The following MTCL1 variants were observed in gnomAD, a reference collection of about 807,000 sequenced individuals.
MTCL1 encodes the protein microtubule cross-linking factor 1.
In MTCL1, 79 loss-of-function variants were observed where a neutral mutation model predicts 141.4. The ratio of observed to expected loss-of-function variants is 0.56; its 90% CI spans 0.47 to 0.67. The LOEUF is 0.67. Ranked by LOEUF, MTCL1 falls within the 30% of genes least tolerant of loss-of-function variation. MTCL1 has a pLI of 0.00. For missense variants in MTCL1, 2,177 were observed against 2,113.9 expected, an observed-to-expected ratio of 1.03 and a Z score of -0.59; for synonymous variants, 914 against 875.8, an observed-to-expected ratio of 1.04 and a Z score of -0.77.
chr18:8,736,564 G>A (rs530847936), intron 4 of MTCL1, among the ~76,000 whole-genome samples: 71 of 152,056 alleles, frequency 4.7e-4, no homozygotes, highest in African/African-American at 1.5e-3. Context: ...ATTTGAAGTC[G>A]GGTTTCTACC....
intron 3 of MTCL1, among the ~76,000 whole-genome samples, chr18:8,718,971 A>G (rs1016273228): frequency 2.7e-5 from 4 of 149,462 alleles, no homozygotes; most frequent in Admixed American, 6.6e-5. Flanking sequence ...TTAAAAATCT[A>G]TTGATTATCA....
chr18:8,744,542 T>C (rs1247465895), intron 4 of MTCL1, among the ~76,000 whole-genome samples: 1 of 152,216 alleles, frequency 6.6e-6, no homozygotes, highest in African/African-American at 2.4e-5. Context: ...TCACCCTGCT[T>C]CCTGCTGCTT....
chr18:8,818,626 A>G (rs1470660626), intron 12 of MTCL1, among the ~76,000 whole-genome samples: 1 of 152,230 alleles, frequency 6.6e-6, no homozygotes, highest in Non-Finnish European at 1.5e-5. Context: ...CTTTAACAGT[A>G]TTAGATTAAA....
At position 8,789,732 on chromosome 18, in the gene MTCL1, CA is replaced by C. The variant is rs527856334; in HGVS notation, c.1888-3259del. The C allele has an allele frequency of 4.6e-4, 448 of 983,548 alleles. 1 individual carries two copies. In the African/African-American group the frequency reaches 5.6e-3, roughly 12 times the overall value. 60.9% of individuals were successfully genotyped at this position (983,548 alleles called of 1,614,324 possible). ...ATAATCAGAATCCTAGGTAAGTGAA[CA>C]AAAAAAGGGTTTTTTTTAGAATCAA... On this transcript the variant is annotated intron_variant, in intron 7 of 16. Transcript: ENST00000359865.
rs147022406 is a variant in MTCL1 at position 8,813,657 on chromosome 18, G to T, written c.2859+424G>T. 2.8e-3 allele frequency among the ~76,000 whole-genome samples: 424 copies of T among 152,328 alleles called. 5 individuals carry two copies. The highest frequency in any genetic ancestry group is 9.8e-3 in the African/African-American group (406 of 41,588). ...CTGCTCCAACTTGAATGGAATTGTT[G>T]TCATTAGAAAAGAAATTGCTGAATT... On this transcript the variant is annotated intron_variant, in intron 12 of 16. Transcript: ENST00000359865.
chr18:8,819,818 C>T (rs1403595252), intron 13 of MTCL1, among the ~76,000 whole-genome samples: 1 of 152,004 alleles, frequency 6.6e-6, no homozygotes, highest in Non-Finnish European at 1.5e-5. Flanking sequence ...CCTATGTTGC[C>T]CAAGCTGGTC....
intron 1 of MTCL1, 149 bp downstream of exon 1, chr18:8,706,862 C>A: frequency 7.4e-7 from 1 of 1,352,360 alleles, no homozygotes. Context: ...CAGGCATTGG[C>A]AACTTAAGCC....
At chr18:8,760,410 G>A (rs574883689) in intron 4 of MTCL1, among the ~76,000 whole-genome samples, 3 of 152,318 alleles carry the variant, frequency 2.0e-5, no homozygotes, top group East Asian at 1.9e-4. Context: ...CTTGTTAGAC[G>A]CAGATGCAAG....
At chr18:8,815,614 A>G (rs1468217691) in intron 12 of MTCL1, among the ~76,000 whole-genome samples, 1 of 151,588 alleles carries the variant, frequency 6.6e-6, no homozygotes, top group Non-Finnish European at 1.5e-5. Context: ...AACTTAAAGT[A>G]TAATAATAAT....
intron 9 of MTCL1, 55 bp from the exon 9 acceptor site, chr18:8,798,042 T>C: frequency 6.6e-7 from 1 of 1,512,374 alleles, no homozygotes; most frequent in Non-Finnish European, 8.9e-7. Context: ...AAAATCAGGC[T>C]GTACAGCAAA....
exon 6 of MTCL1, chr18:8,783,922 C>T: frequency 6.2e-7 from 1 of 1,613,510 alleles, no homozygotes; most frequent in South Asian, 1.1e-5. Context: ...CCCTGGAGTC[C>T]TCCACTGAGC....
chr18:8,776,661 A>T (rs920550433), intron 4 of MTCL1, among the ~76,000 whole-genome samples: 2 of 152,106 alleles, frequency 1.3e-5, no homozygotes, highest in African/African-American at 4.8e-5. Flanking sequence ...TTTCTCTGTA[A>T]ACAAGGGCCG....
chr18:8,715,629 C>A (rs1040543759), upstream of MTCL1, among the ~76,000 whole-genome samples: 3 of 152,196 alleles, frequency 2.0e-5, no homozygotes, highest in African/African-American at 7.2e-5. Flanking sequence ...CGGTTAGGTT[C>A]TTTCTCAAAG....
At chr18:8,728,232 A>G (rs988193703) in intron 4 of MTCL1, among the ~76,000 whole-genome samples, 4 of 152,078 alleles carry the variant, frequency 2.6e-5, no homozygotes, top group Non-Finnish European at 4.4e-5. Flanking sequence ...TTTACTTATC[A>G]TTGCTTCTTG....
intron 4 of MTCL1, among the ~76,000 whole-genome samples, chr18:8,773,425 T>G (rs77142294): frequency 0.01 from 1,589 of 152,358 alleles, 34 homozygotes; most frequent in African/African-American, 0.036. Context: ...TTTATTTTAT[T>G]AAGATGTGTT....
chr18:8,797,132 T>C (rs2075953991), intron 9 of MTCL1, among the ~76,000 whole-genome samples: 1 of 152,248 alleles, frequency 6.6e-6, no homozygotes, highest in African/African-American at 2.4e-5. Flanking sequence ...TGCTCATTTA[T>C]AAAATTCATT....
At chr18:8,729,786 A>G (rs940490576) in intron 4 of MTCL1, among the ~76,000 whole-genome samples, 1 of 141,288 alleles carries the variant, frequency 7.1e-6, no homozygotes, top group African/African-American at 2.6e-5. Flanking sequence ...TCCTCTTACA[A>G]GGTTTTCTCA....
At chr18:8,756,485 GTATATA>G (rs1567983985) in intron 4 of MTCL1, among the ~76,000 whole-genome samples, 16 of 148,768 alleles carry the variant, frequency 1.1e-4, no homozygotes, top group African/African-American at 4.0e-4. Context: ...GTATATGTGT[GTATATA>G]TGTATATATG....
upstream of MTCL1, among the ~76,000 whole-genome samples, chr18:8,715,140 C>A (rs1487029165): frequency 1.3e-5 from 2 of 152,252 alleles, no homozygotes; most frequent in East Asian, 3.9e-4. Context: ...ATTATTTGTG[C>A]CAAAAAATAT....
Sources: allele counts gnomAD v4.1 joint callset (sites outside exome capture counted in the v4.1 genomes callset), GRCh38; gene constraint gnomAD v4.1.1; transcripts MANE v1.5; gene names NCBI Gene and HGNC (gene_info 2026-07-23, HGNC 2026-07-21).